The following BRIP1 variants were observed in gnomAD, a reference collection of about 807,000 sequenced individuals.
The protein encoded by BRIP1 is Fanconi anemia group J protein.
Under a neutral mutation model 119.7 loss-of-function variants are expected in BRIP1, and 88 were observed. The observed-to-expected ratio is 0.74, with a 90% CI of 0.62 to 0.88. BRIP1 has a LOEUF of 0.88. Among genes scored for constraint, BRIP1 ranks in the 40% least tolerant of loss-of-function variants. The probability of loss-of-function intolerance (pLI) is 0.00; values close to 1 mark genes in which losing one functional copy is unlikely to be tolerated. For missense variants in BRIP1, 1,259 were observed against 1,455.4 expected (o/e 0.87, Z 2.20); for synonymous variants, 443 against 496.5 (o/e 0.89, Z 1.43).
At position 61,700,778 on chromosome 17, in the gene BRIP1, T is replaced by C. The variant is rs1179660550; in HGVS notation, c.2493-7266A>G. ...TCCTCTCCTTCTGGGACTCCAAATA[T>C]GCATATGTTGGTACGCTTGATGAGG... is the stretch of plus-strand genomic sequence containing the variant. On this transcript the variant is annotated intron_variant, in intron 17 of 19. Transcript: ENST00000259008. The surrounding 1 kb of genome is among the most constrained non-coding windows in gnomAD (Gnocchi z 4.1). Among the ~76,000 whole-genome samples, 1 of 152,212 alleles carries C rather than the reference T, an allele frequency of 6.6e-6. No individual in the cohort carries two copies. The highest frequency in any genetic ancestry group is 1.5e-5 in the Non-Finnish European group (1 of 68,040).
rs912955146 is a variant in BRIP1 at position 61,852,496 on chromosome 17, C to A, written c.380-3240G>T. On this transcript the variant is annotated intron_variant, in intron 4 of 19. Transcript: ENST00000259008. The surrounding 1 kb of genome is among the most constrained non-coding windows in gnomAD (Gnocchi z 4.9). ...CAGCCTGGCCAACATGGTGAAACCC[C>A]ATTTCTACTAAAAATACAAAAATCA... 1.3e-5 allele frequency among the ~76,000 whole-genome samples: 2 copies of A among 151,956 alleles called. No homozygotes were observed. The highest frequency in any genetic ancestry group is 2.9e-5 in the Non-Finnish European group (2 of 67,972).
chr17:61,789,124 A>C lies in BRIP1; in HGVS notation c.1473+4473T>G, dbSNP rs1328218233. Among the ~76,000 whole-genome samples the C allele has an allele frequency of 1.3e-5, 2 of 151,908 alleles. No homozygotes were observed. The highest frequency in any genetic ancestry group is 2.9e-5 in the Non-Finnish European group (2 of 67,938). On this transcript the variant is annotated intron_variant, in intron 10 of 19. Coordinates refer to ENST00000259008, the MANE Select transcript of BRIP1 (RefSeq NM_032043.3). The surrounding 1 kb of genome is among the most constrained non-coding windows in gnomAD (Gnocchi z 4.8). ...TAAATAAAAAAATAAGTAATTAGCC[A>C]GGTGTGGTAATGCATGCCTGTAGTC...
Position 61,834,236 on chromosome 17 carries a change from G to T in BRIP1, c.627+12865C>A, listed in dbSNP as rs1260296293. ...TACTATAATCCTAATTTTGTGTGTG[G>T]GGAGGGAGTATATATGTAATATATG... On this transcript the variant is annotated intron_variant, in intron 6 of 19. Coordinates refer to ENST00000259008, the MANE Select transcript of BRIP1 (RefSeq NM_032043.3). This position sits in a 1 kb window ranked among gnomAD's most constrained non-coding sequence, Gnocchi z 4.4. 3.9e-5 allele frequency among the ~76,000 whole-genome samples: 6 copies of T among 152,034 alleles called. No individual in the cohort carries two copies. The highest frequency in any genetic ancestry group is 3.3e-4 in the Admixed American group (5 of 15,258).
In BRIP1 at chr17:61,860,829, A is replaced by G. The variant is rs1423292398; in HGVS notation, c.93+618T>C. On this transcript the variant is annotated intron_variant, in intron 2 of 19. Coordinates refer to ENST00000259008, the MANE Select transcript of BRIP1 (RefSeq NM_032043.3). The surrounding 1 kb of genome is among the most constrained non-coding windows in gnomAD (Gnocchi z 4.1). ...GGATTAAGAATCAACAGGGCTATACATTAAAAATAATGCTAAGTTAAAAAA... is the reference window on the plus strand; with the variant it reads ...GGATTAAGAATCAACAGGGCTATACGTTAAAAATAATGCTAAGTTAAAAAA... 6.6e-6 allele frequency among the ~76,000 whole-genome samples: 1 copy of G among 152,258 alleles called. No homozygotes were observed. Among genetic ancestry groups the G allele is most frequent in the African/African-American group, 2.4e-5 (1 of 41,472 alleles).
rs2078843245 is a variant in BRIP1 at position 61,852,930 on chromosome 17, T to C, written c.380-3674A>G. Among the ~76,000 whole-genome samples the C allele has an allele frequency of 6.6e-6, 1 of 152,148 alleles. No individual in the cohort carries two copies. The highest frequency in any genetic ancestry group is 2.4e-5 in the African/African-American group (1 of 41,442). ...GACGCATAAATTGATTCAACCACTT[T>C]AGAAAATGTTGTCAGTATCTACTAT... On this transcript the variant is annotated intron_variant, in intron 4 of 19. Coordinates refer to ENST00000259008, the MANE Select transcript of BRIP1 (RefSeq NM_032043.3). The surrounding 1 kb of genome is among the most constrained non-coding windows in gnomAD (Gnocchi z 4.9).
chr17:61,763,051 C>G (rs2077300775), intron 14 of BRIP1, among the ~76,000 whole-genome samples: 1 of 152,112 alleles, frequency 6.6e-6, no homozygotes, highest in Non-Finnish European at 1.5e-5. Flanking sequence ...CAACTGAACT[C>G]AAAGAAGTGA....
chr17:61,704,864 T>A lies in BRIP1; in HGVS notation c.2492+11087A>T, dbSNP rs1421998705. ...TAGTAACTGTGGCTTCTCTTTTTTT[T>A]CTTTGTTAATTTTGCTAGAGGTTTA... On this transcript the variant is annotated intron_variant, in intron 17 of 19. Transcript: ENST00000259008. This position sits in a 1 kb window ranked among gnomAD's most constrained non-coding sequence, Gnocchi z 5.7. Among the ~76,000 whole-genome samples, 7 of 152,194 alleles carry A rather than the reference T, an allele frequency of 4.6e-5. No individual in the cohort carries two copies. The highest frequency in any genetic ancestry group is 7.3e-5 in the Non-Finnish European group (5 of 68,030).
chr17:61,728,313 C>CAA lies in BRIP1; in HGVS notation c.2380-12252_2380-12251dup, dbSNP rs1338661426. Among the ~76,000 whole-genome samples the CAA allele has an allele frequency of 2.6e-3, 297 of 113,198 alleles. 1 individual carries two copies. Among genetic ancestry groups the CAA allele is most frequent in the Middle Eastern group, 0.015 (3 of 202 alleles). 74.3% of individuals were successfully genotyped at this position (113,198 alleles called of 152,430 possible). ...ATGCAGACTTCTGATTTCAATAAGT[C>CAA]AAAAAAAAAAAAAAAACCCCAGACA... On this transcript the variant is annotated intron_variant, in intron 16 of 19. Transcript: ENST00000259008.
chr17:61,682,984 T>G lies in BRIP1; in HGVS notation c.*312A>C. On this transcript the variant is annotated 3_prime_UTR_variant, in exon 20 of 20. Transcript: ENST00000259008. The surrounding 1 kb of genome is among the most constrained non-coding windows in gnomAD (Gnocchi z 4.9). ...CCATCTCTACTAAAAATACAAAAAC[T>G]AGCTGGGCATGGTGGTGCACACCTG... 3.4e-6 allele frequency: 1 copy of G among 294,126 alleles called. No homozygotes were observed. The highest frequency in any genetic ancestry group is 6.4e-6 in the Non-Finnish European group (1 of 156,260). The allele number at this position is 294,126 out of a possible 1,614,324, so 18.2% of individuals were successfully genotyped here. A position where few individuals can be genotyped will look rare whatever the true frequency, so the allele number is the denominator to read the frequency against.
In BRIP1 at chr17:61,793,596, C is replaced by T. The variant is rs748274524; in HGVS notation, c.1473+1G>A. ...TTTCACAGGTAGAAAAAATATCTTA[C>T]CTGCAAAATGGGAAAAGTAGCAGTG... On this transcript the variant is annotated splice_donor_variant, in intron 10 of 19. Transcript: ENST00000259008. LOFTEE classifies it high-confidence loss of function. This position sits in a 1 kb window ranked among gnomAD's most constrained non-coding sequence, Gnocchi z 5.2. 6.2e-7 allele frequency: 1 copy of T among 1,602,604 alleles called. No homozygotes were observed. The highest frequency in any genetic ancestry group is 8.5e-7 in the Non-Finnish European group (1 of 1,173,968).
intron 14 of BRIP1, among the ~76,000 whole-genome samples, chr17:61,763,452 C>G (rs1017710880): frequency 2.0e-5 from 3 of 152,110 alleles, no homozygotes; most frequent in African/African-American, 7.2e-5. Context: ...TCTGTAGAAT[C>G]TTTTCCTTGA....
rs1259437882 is a variant in BRIP1 at position 61,768,706 on chromosome 17, CAACCTGCATA to C, written c.2097+7685_2097+7694del. ...CCCTAAGATTCCTACTCCCTATATA[CAACCTGCATA>C]AACTTCTCCCCGTTGTGAGATAAAA... On this transcript the variant is annotated intron_variant, in intron 14 of 19. Transcript: ENST00000259008. The surrounding 1 kb of genome is among the most constrained non-coding windows in gnomAD (Gnocchi z 5.0). 1.3e-5 allele frequency among the ~76,000 whole-genome samples: 2 copies of C among 152,146 alleles called. No individual in the cohort carries two copies. Among genetic ancestry groups the C allele is most frequent in the African/African-American group, 4.8e-5 (2 of 41,436 alleles).
intron 6 of BRIP1, among the ~76,000 whole-genome samples, chr17:61,839,368 A>G (rs2078624898): frequency 6.6e-6 from 1 of 152,028 alleles, no homozygotes; most frequent in African/African-American, 2.4e-5. Flanking sequence ...AAAGTTGAAA[A>G]TACAAATCAT....
intron 16 of BRIP1, among the ~76,000 whole-genome samples, chr17:61,732,570 A>G (rs1567770445): frequency 1.3e-5 from 2 of 152,184 alleles, no homozygotes; most frequent in Non-Finnish European, 2.9e-5. Flanking sequence ...AATTATTGAC[A>G]TTACTAGTGT....
intron 14 of BRIP1, among the ~76,000 whole-genome samples, chr17:61,771,891 A>T (rs2077453719): frequency 6.6e-6 from 1 of 151,922 alleles, no homozygotes; most frequent in Non-Finnish European, 1.5e-5. Context: ...GAACCTGGAA[A>T]GCGGAGGTTG....
rs1017555630 is a variant in BRIP1, at chr17:61,845,382, G to A, written c.627+1719C>T. Among the ~76,000 whole-genome samples, 2 of 152,102 alleles carry A rather than the reference G, an allele frequency of 1.3e-5. No homozygotes were observed. The highest frequency in any genetic ancestry group is 2.9e-5 in the Non-Finnish European group (2 of 68,022). On this transcript the variant is annotated intron_variant, in intron 6 of 19. Transcript: ENST00000259008. This position sits in a 1 kb window ranked among gnomAD's most constrained non-coding sequence, Gnocchi z 4.2. ...TCTAGGCATCATTTTGCAATATCAT[G>A]CACTGGTCATTTAAATAATATTTAG...
Position 61,735,159 on chromosome 17 carries a change from A to G in BRIP1, c.2379+7854T>C, listed in dbSNP as rs1299447827. Among the ~76,000 whole-genome samples, 2 of 152,130 alleles carry G rather than the reference A, an allele frequency of 1.3e-5. No individual in the cohort carries two copies. Among genetic ancestry groups the G allele is most frequent in the African/African-American group, 4.8e-5 (2 of 41,412 alleles). On this transcript the variant is annotated intron_variant, in intron 16 of 19. Transcript: ENST00000259008. This position sits in a 1 kb window ranked among gnomAD's most constrained non-coding sequence, Gnocchi z 4.4. ...AATAGGAGTATGGCAGACACACCCT[A>G]AGGTGATATACAGAGAGTCACAACT...
chr17:61,826,731 TAAAAAAAAAA>T (rs58466965), intron 6 of BRIP1, among the ~76,000 whole-genome samples: 3 of 75,318 alleles, frequency 4.0e-5, no homozygotes, highest in Non-Finnish European at 5.0e-5. Flanking sequence ...TATTAAAAAG[TAAAAAAAAAA>T]AAAAAAAAAA....
intron 17 of BRIP1, among the ~76,000 whole-genome samples, chr17:61,711,664 T>A (rs2061776536): frequency 6.6e-6 from 1 of 151,462 alleles, no homozygotes; most frequent in African/African-American, 2.4e-5. Flanking sequence ...AGGCCAGGAG[T>A]TCAAGACCAG....
Sources: allele counts gnomAD v4.1 joint callset (sites outside exome capture counted in the v4.1 genomes callset), GRCh38; gene constraint gnomAD v4.1.1; non-coding constraint Gnocchi (gnomAD v3.1); transcripts MANE v1.5; gene names NCBI Gene and HGNC (gene_info 2026-07-23, HGNC 2026-07-21).